SLC39A9: variants seen among roughly 807,000 people sequenced by gnomAD.
SLC39A9 encodes the protein solute carrier family 39 member 9.
Under a neutral mutation model 28.4 loss-of-function variants are expected in SLC39A9, and 14 were observed. The ratio of observed to expected loss-of-function variants is 0.49; its 90% CI spans 0.33 to 0.77. The LOEUF is 0.77. Ranked by LOEUF, SLC39A9 falls within the 30% of genes least tolerant of loss-of-function variation. The pLI, the probability that SLC39A9 is intolerant of heterozygous loss-of-function variation, is 0.02. For missense variants in SLC39A9, 283 were observed against 381.1 expected (o/e 0.74, Z 2.14); for synonymous variants, 119 against 149.6 (o/e 0.80, Z 1.49).
At chr14:69,413,593 G>A (rs1883404022) in intron 1 of SLC39A9, among the ~76,000 whole-genome samples, 1 of 151,672 alleles carries the variant, frequency 6.6e-6, no homozygotes, top group South Asian at 2.1e-4. Flanking sequence ...ATTTTGTCAT[G>A]AACCATTAGA....
intron 1 of SLC39A9, among the ~76,000 whole-genome samples, chr14:69,410,633 C>G (rs1883212235): frequency 1.3e-5 from 2 of 152,194 alleles, no homozygotes; most frequent in African/African-American, 2.4e-5. Context: ...GTTACTAACA[C>G]TTAGCAGCAG....
At chr14:69,400,037 G>A (rs1882544029) in intron 1 of SLC39A9, among the ~76,000 whole-genome samples, 1 of 152,048 alleles carries the variant, frequency 6.6e-6, no homozygotes, top group Non-Finnish European at 1.5e-5. Context: ...CTCCAGCCTG[G>A]ACAGCAGAGT....
At chr14:69,446,928 T>TGA (rs1171067335) in intron 3 of SLC39A9, among the ~76,000 whole-genome samples, 1 of 139,054 alleles carries the variant, frequency 7.2e-6, no homozygotes, top group Non-Finnish European at 1.6e-5. Flanking sequence ...AGCCCATCTG[T>TGA]GATATATATA....
rs997196798 is a variant in SLC39A9, at chr14:69,461,066, G to A, written c.*2473G>A. ...CTTGTTTAAAACTGCCTCTTTAGAT[G>A]TGGATGCCTTAATGCTGTAACACAT... is the stretch of plus-strand genomic sequence containing the variant. On this transcript the variant is annotated 3_prime_UTR_variant, in exon 7 of 7. Transcript: ENST00000336643. 1.0e-6 allele frequency: 1 copy of A among 985,754 alleles called. No individual in the cohort carries two copies. Among genetic ancestry groups the A allele is most frequent in the Non-Finnish European group, 1.2e-6 (1 of 830,190 alleles). The allele number at this position is 985,754 out of a possible 1,614,324, so 61.1% of individuals were successfully genotyped here.
chr14:69,439,156 A>G (rs925734240), intron 2 of SLC39A9, among the ~76,000 whole-genome samples: 1 of 152,200 alleles, frequency 6.6e-6, no homozygotes, highest in African/African-American at 2.4e-5. Flanking sequence ...CTATTTGAAA[A>G]AGAAACTATG....
intron 1 of SLC39A9, among the ~76,000 whole-genome samples, chr14:69,405,194 A>T (rs934610865): frequency 6.6e-6 from 1 of 152,168 alleles, no homozygotes; most frequent in Non-Finnish European, 1.5e-5. Flanking sequence ...TGGGGACACA[A>T]CCAAACCATA....
intron 1 of SLC39A9, among the ~76,000 whole-genome samples, chr14:69,405,875 AGGCAAT>A (rs1219673739): frequency 5.3e-5 from 8 of 152,238 alleles, no homozygotes; most frequent in Non-Finnish European, 7.3e-5. Flanking sequence ...TCTGTATACC[AGGCAAT>A]GATATGCACT....
chr14:69,437,515 A>G (rs184910656), intron 2 of SLC39A9, among the ~76,000 whole-genome samples: 1 of 152,064 alleles, frequency 6.6e-6, no homozygotes, highest in East Asian at 1.9e-4. Context: ...TTACTGTAAC[A>G]TGGCCAGCAT....
rs1885969387 is a variant in SLC39A9 at position 69,458,478 on chromosome 14, G to C, written c.809G>C (p.Gly270Ala). 3 of 1,614,092 alleles carry C rather than the reference G, an allele frequency of 1.9e-6. No homozygotes were observed. Among genetic ancestry groups the C allele is most frequent in the Non-Finnish European group, 2.5e-6 (3 of 1,180,050 alleles). ...VHVLPEVGGI[G>A]HSHKPDATGG... ...GTCCTCCCTGAGGTGGGCGGAATAG[G>C]GCACAGCCACAAGCCCGATGCCACG... The change falls in exon 7 of 7, where the codon GGG becomes GCG. Residue 270 changes from glycine (G) to alanine (A), a missense_variant. Physicochemically the swap from Gly to Ala is moderately conservative, Grantham distance 60 (BLOSUM62 0). Transcript: ENST00000336643.
chr14:69,434,077 TCTTTTC>T (rs796439259), intron 2 of SLC39A9, among the ~76,000 whole-genome samples: 1 of 140,020 alleles, frequency 7.1e-6, no homozygotes, highest in African/African-American at 2.6e-5. Context: ...GTAATTCTTT[TCTTTTC>T]TTTTTTTTTT....
At chr14:69,431,423 T>G (rs1884485693) in intron 2 of SLC39A9, among the ~76,000 whole-genome samples, 1 of 151,862 alleles carries the variant, frequency 6.6e-6, no homozygotes, top group African/African-American at 2.4e-5. Flanking sequence ...TTTTTTACCT[T>G]CCTTATTGCA....
intron 6 of SLC39A9, 61 bp downstream of exon 6, chr14:69,455,927 T>A (rs1245710296): frequency 2.6e-6 from 4 of 1,565,060 alleles, no homozygotes; most frequent in African/African-American, 1.4e-5. Context: ...GAATTTATGA[T>A]CTCTTAGATT....
chr14:69,407,239 C>T (rs527636415), intron 1 of SLC39A9, among the ~76,000 whole-genome samples: 1 of 149,758 alleles, frequency 6.7e-6, no homozygotes, highest in South Asian at 2.1e-4. Flanking sequence ...TATTGCAAAC[C>T]CTGTATTTAT....
intron 2 of SLC39A9, among the ~76,000 whole-genome samples, chr14:69,426,581 TC>T (rs35732346): frequency 0.011 from 1,602 of 152,266 alleles, 23 homozygotes; most frequent in East Asian, 0.024. Context: ...AGCCAGAAGT[TC>T]CCTGAACCCT....
At chr14:69,409,697 A>G (rs959751024) in intron 1 of SLC39A9, among the ~76,000 whole-genome samples, 1 of 152,190 alleles carries the variant, frequency 6.6e-6, no homozygotes, top group African/African-American at 2.4e-5. Flanking sequence ...AATTCTTAAT[A>G]TGCATTTAAT....
At chr14:69,413,067 A>G (rs1883359318) in intron 1 of SLC39A9, among the ~76,000 whole-genome samples, 2 of 152,122 alleles carry the variant, frequency 1.3e-5, no homozygotes, top group African/African-American at 4.8e-5. Context: ...TTAAAATTTC[A>G]AAGACTCGGC....
chr14:69,435,563 CAG>C (rs1440018967), intron 2 of SLC39A9, among the ~76,000 whole-genome samples: 1 of 152,166 alleles, frequency 6.6e-6, no homozygotes, highest in Non-Finnish European at 1.5e-5. Context: ...TGTAAAGCAT[CAG>C]ATAGTAAATA....
chr14:69,457,850 G>C (rs572904905), intron 6 of SLC39A9, among the ~76,000 whole-genome samples: 15 of 152,084 alleles, frequency 9.9e-5, no homozygotes, highest in Non-Finnish European at 2.1e-4. Flanking sequence ...TTGTGCCTGT[G>C]AATAGCCACT....
At chr14:69,440,960 G>C (rs11624756) in intron 2 of SLC39A9, among the ~76,000 whole-genome samples, 30,876 of 152,000 alleles carry the variant, frequency 0.2, 3,234 homozygotes, top group South Asian at 0.29. Context: ...ATTGCACCTG[G>C]CCTGTTTTGT....
Sources: gnomAD v4.1 joint callset for allele counts (sites outside exome capture counted in the v4.1 genomes callset) on GRCh38, gnomAD v4.1.1 for gene constraint, MANE v1.5 for transcripts, NCBI Gene and HGNC (gene_info 2026-07-23, HGNC 2026-07-21) for gene names.